The following ERICH3 variants were observed in gnomAD, a reference collection of about 807,000 sequenced individuals.
The protein encoded by ERICH3 is glutamate rich 3.
Under a neutral mutation model 131.1 loss-of-function variants are expected in ERICH3, and 126 were observed. That is an observed-to-expected ratio of 0.96 (90% confidence interval 0.83 to 1.11). ERICH3 has a LOEUF of 1.11. Ranked by LOEUF, ERICH3 falls within the 50% of genes most tolerant of loss-of-function variation. ERICH3 has a pLI of 0.00. For synonymous variants in ERICH3, 695 were observed against 644.6 expected, an observed-to-expected ratio of 1.08 and a Z score of -1.18; for missense variants, 2,050 against 1,810.7, an observed-to-expected ratio of 1.13 and a Z score of -2.40.
rs1234894544 is a variant in ERICH3 at position 74,590,020 on chromosome 1, T to A, written c.1787A>T (p.Asp596Val). 1 of 1,613,846 alleles carries A rather than the reference T, an allele frequency of 6.2e-7. No homozygotes were observed. Among genetic ancestry groups the A allele is most frequent in the African/African-American group, 1.3e-5 (1 of 75,024 alleles). Residue 596 changes from aspartate (D) to valine (V), a missense_variant, in exon 12 of 15, where the codon GAT becomes GTT. Transcript: ENST00000326665. ...RSHPYSSDSE[D>V]ESAVGDREAH... ...TTCCCTGTCCCCCACTGCAGATTCA[T>A]CCTCACTGTCACTAGAATAAGGGTG...
In ERICH3 at chr1:74,571,376, C is replaced by G. The variant is rs527663739; in HGVS notation, c.4334G>C (p.Gly1445Ala). 12 of 1,614,040 alleles carry G rather than the reference C, an allele frequency of 7.4e-6. No homozygotes were observed. The South Asian group carries it at 1.2e-4, about 16-fold the overall frequency. Residue 1445 changes from glycine (G) to alanine (A), a missense_variant, in exon 14 of 15, where the codon GGA (glycine) becomes GCA (alanine). By Grantham distance (60) the Gly-to-Ala change is moderately conservative. Coordinates refer to ENST00000326665, the MANE Select transcript of ERICH3 (RefSeq NM_001002912.5). ...CTCTGACCCTTCCTCTTGCTCCTGT[C>G]CTAGCCCTGAGGTCTTCCGCTCCAG... ...GALERKTSGL[G>A]QEQEEGSEGQ...
At chr1:74,625,967 T>C (rs1207013792) in intron 7 of ERICH3, 1 of 152,174 alleles carries the variant, frequency 6.6e-6, no homozygotes, top group Non-Finnish European at 1.5e-5. Flanking sequence ...GTATAAAATA[T>C]TCATTGAATA....
chr1:74,572,101 G>T lies in ERICH3; in HGVS notation c.3609C>A (p.Ala1203=). 6.2e-7 allele frequency: 1 copy of T among 1,614,144 alleles called. No individual in the cohort carries two copies. ...REELSSRENR[A]LKEGHRQDGE... ...CATCTTGGCGGTGCCCTTCCTTCAG[G>T]GCCCTATTCTCCCTGCTGGACAGCT... The change falls in exon 14 of 15, where the codon GCC becomes GCA. Residue 1203 remains alanine (A), a synonymous_variant. Coordinates refer to ENST00000326665, the MANE Select transcript of ERICH3 (RefSeq NM_001002912.5).
At position 74,613,865 on chromosome 1, in the gene ERICH3, A is replaced by AAAAAG. The variant is rs374854972; in HGVS notation, c.1001-1061_1001-1057dup. Among the ~76,000 whole-genome samples the AAAAAG allele has an allele frequency of 7.7e-3, 1,171 of 152,318 alleles. 18 individuals are homozygous for AAAAAG. Among genetic ancestry groups the AAAAAG allele is most frequent in the African/African-American group, 0.026 (1,075 of 41,554 alleles). ...TTTCTTACGTCACTTCCTAAAAAGA[A>AAAAAG]AAAAGAAAAGAAAAGAAATAGAGCC... On this transcript the variant is annotated intron_variant, in intron 8 of 14. Transcript: ENST00000326665.
intron 8 of ERICH3, among the ~76,000 whole-genome samples, chr1:74,619,871 C>G (rs1393260085): frequency 6.6e-6 from 1 of 152,106 alleles, no homozygotes; most frequent in Non-Finnish European, 1.5e-5. Flanking sequence ...TGTAATTCCT[C>G]AATATGAATT....
chr1:74,619,432 A>G (rs546290610), intron 8 of ERICH3, among the ~76,000 whole-genome samples: 1 of 152,326 alleles, frequency 6.6e-6, no homozygotes, highest in African/African-American at 2.4e-5. Context: ...CAATAGCTGA[A>G]AGTTATACTT....
At chr1:74,623,529 T>C (rs1649306012) in intron 7 of ERICH3, 1 of 152,062 alleles carries the variant, frequency 6.6e-6, no homozygotes, top group Non-Finnish European at 1.5e-5. Flanking sequence ...AAATTTATCA[T>C]CCAAACTTGG....
chr1:74,603,326 C>A (rs1648232854), intron 10 of ERICH3, among the ~76,000 whole-genome samples: 1 of 151,874 alleles, frequency 6.6e-6, no homozygotes, highest in Admixed American at 6.6e-5. Flanking sequence ...AACCTGGGTG[C>A]AAATTCTTAT....
chr1:74,650,870 A>T (rs546482183), intron 1 of ERICH3, among the ~76,000 whole-genome samples: 1 of 143,098 alleles, frequency 7.0e-6, no homozygotes, highest in Non-Finnish European at 1.5e-5. Flanking sequence ...GTGTGTGTGT[A>T]TACTTATATA....
chr1:74,626,643 A>T (rs1649424725), intron 7 of ERICH3, among the ~76,000 whole-genome samples: 1 of 152,176 alleles, frequency 6.6e-6, no homozygotes, highest in African/African-American at 2.4e-5. Flanking sequence ...GTGACTGGTA[A>T]GGTTAGACTA....
At chr1:74,578,307 GA>G in intron 12 of ERICH3, 1 of 179,148 alleles carries the variant, frequency 5.6e-6, no homozygotes, top group South Asian at 1.6e-4. Context: ...TGATGATGAT[GA>G]TGATGGTGAT....
At position 74,636,347 on chromosome 1, in the gene ERICH3, G is replaced by A. The variant is rs1557694269; in HGVS notation, c.536C>T (p.Pro179Leu). 6.2e-7 allele frequency: 1 copy of A among 1,612,940 alleles called. No individual in the cohort carries two copies. The change falls in exon 6 of 15, where the codon CCA (proline) becomes CTA (leucine). Residue 179 changes from proline (P) to leucine (L), a missense_variant. By Grantham distance (98) the Pro-to-Leu change is moderately conservative (BLOSUM62 -3). Transcript: ENST00000326665. ...TGATCTGGACCTTGAAGTTACCTTT[G>A]GAACAGTTTCTACTGCAGGATTACT... ...LPSNPAVETV[P>L]KVTSRSRSKT...
intron 1 of ERICH3, among the ~76,000 whole-genome samples, chr1:74,663,557 T>C (rs551688329): frequency 1.3e-5 from 2 of 150,108 alleles, no homozygotes; most frequent in South Asian, 4.2e-4. Context: ...GCAGTTATGG[T>C]CCATGAGAAA....
chr1:74,623,548 T>C (rs1649306627), intron 7 of ERICH3: 1 of 151,996 alleles, frequency 6.6e-6, no homozygotes. Context: ...GGACACATAG[T>C]GAAAGAAGTG....
intron 12 of ERICH3, among the ~76,000 whole-genome samples, chr1:74,581,102 A>G (rs1244635742): frequency 6.6e-6 from 1 of 152,190 alleles, no homozygotes; most frequent in Non-Finnish European, 1.5e-5. Flanking sequence ...TTTCTTCCAA[A>G]TTAATGAATT....
Position 74,599,730 on chromosome 1 carries a change from C to A in ERICH3, c.1691G>T (p.Gly564Val). ...ARDNVKDENDGCSESELEEDK... is the reference protein window; with the variant it reads ...ARDNVKDENDVCSESELEEDK... ...CTCTTCCAGTTCACTCTCAGAGCAT[C>A]CATCATTCTCATCTTTCACATTGTC... The change falls in exon 11 of 15, where the codon GGA becomes GTA. Residue 564 changes from glycine (G) to valine (V), a missense_variant. Transcript: ENST00000326665. 1.2e-6 allele frequency: 2 copies of A among 1,611,918 alleles called. No homozygotes were observed. The highest frequency in any genetic ancestry group is 2.2e-5 in the East Asian group (1 of 44,820).
At chr1:74,579,302 T>G (rs978449910) in intron 12 of ERICH3, 1 of 712,304 alleles carries the variant, frequency 1.4e-6, no homozygotes, top group African/African-American at 1.9e-5. Context: ...AAATATAGTC[T>G]ATAATATTAA....
chr1:74,572,599 C>T lies in ERICH3; in HGVS notation c.3111G>A (p.Glu1037=). 1 of 1,613,988 alleles carries T rather than the reference C, an allele frequency of 6.2e-7. No homozygotes were observed. The highest frequency in any genetic ancestry group is 1.1e-5 in the South Asian group (1 of 91,072). The change falls in exon 14 of 15, where the codon GAG becomes GAA. Residue 1037 remains glutamate, a synonymous_variant. Transcript: ENST00000326665. ...TATCATCTTCCCTATTAGCTTCTGC[C>T]TCAGTCACCATCTCTTCCCCTTCCA... is the stretch of plus-strand genomic sequence containing the variant. ...EDVEGEEMVT[E]AEANREDDRK...
chr1:74,656,382 C>T (rs1223028980), intron 1 of ERICH3, among the ~76,000 whole-genome samples: 1 of 152,128 alleles, frequency 6.6e-6, no homozygotes, highest in East Asian at 1.9e-4. Context: ...TTTTGAGGCC[C>T]TCCCTTGTGG....
Sources: gnomAD v4.1 joint callset for allele counts (sites outside exome capture counted in the v4.1 genomes callset) on GRCh38, gnomAD v4.1.1 for gene constraint, MANE v1.5 for transcripts, NCBI Gene and HGNC (gene_info 2026-07-23, HGNC 2026-07-21) for gene names.